EPC1: variants seen among roughly 807,000 people sequenced by gnomAD.
The protein encoded by EPC1 is enhancer of polycomb homolog 1.
EPC1 carries 12 observed loss-of-function variants against 98.4 expected under a neutral mutation model. That is an observed-to-expected ratio of 0.12 (90% CI 0.08 to 0.20). The LOEUF (loss-of-function observed/expected upper bound fraction) is 0.20. Ranked by LOEUF, EPC1 falls within the 10% of genes least tolerant of loss-of-function variation. The pLI is 1.00. For missense variants in EPC1, 729 were observed against 990.5 expected, an observed-to-expected ratio of 0.74 and a Z score of 3.54; for synonymous variants, 357 against 363.9, an observed-to-expected ratio of 0.98 and a Z score of 0.21.
chr10:32,274,075 C>T (rs1483282183), intron 10 of EPC1: 1 of 151,422 alleles, frequency 6.6e-6, no homozygotes, highest in African/African-American at 2.4e-5. Context: ...CATTTATTAC[C>T]CCCCCAAAAA....
intron 1 of EPC1, among the ~76,000 whole-genome samples, chr10:32,338,805 G>A (rs916935563): frequency 6.6e-6 from 1 of 152,098 alleles, no homozygotes; most frequent in East Asian, 1.9e-4. Flanking sequence ...AACATATGGT[G>A]GCATCCTCCT....
chr10:32,287,414 C>T, intron 6 of EPC1, 140 bp from the exon 7 acceptor site: 2 of 826,816 alleles, frequency 2.4e-6, no homozygotes, highest in Admixed American at 2.6e-5. Flanking sequence ...CTATGTTTGG[C>T]CATCTTATAG....
intron 13 of EPC1, 177 bp from the exon 14 acceptor site, chr10:32,269,312 A>C: frequency 3.8e-6 from 2 of 530,120 alleles, no homozygotes; most frequent in Non-Finnish European, 6.7e-6. Flanking sequence ...AATCAGGCTA[A>C]TGTTGACTAT....
chr10:32,274,182 C>T (rs564450202), intron 10 of EPC1: 13 of 149,352 alleles, frequency 8.7e-5, no homozygotes, highest in African/African-American at 2.7e-4. Context: ...ATTTTAAAGG[C>T]GTCTTTAAGA....
At chr10:32,315,120 G>A (rs1256755683) in intron 1 of EPC1, among the ~76,000 whole-genome samples, 3 of 152,152 alleles carry the variant, frequency 2.0e-5, no homozygotes, top group Non-Finnish European at 2.9e-5. Context: ...GTATTCTCAT[G>A]TACTATTTGG....
At chr10:32,297,816 G>A (rs888744195) in intron 2 of EPC1, among the ~76,000 whole-genome samples, 8 of 146,914 alleles carry the variant, frequency 5.4e-5, no homozygotes, top group African/African-American at 2.0e-4. Context: ...TTATTATTTT[G>A]AGACAGAGTC....
At chr10:32,287,060 C>T in intron 7 of EPC1, 38 bp downstream of exon 7, 1 of 1,613,794 alleles carries the variant, frequency 6.2e-7, no homozygotes, top group Non-Finnish European at 8.5e-7. Context: ...TGACTTCCTA[C>T]ATCCCTCCTC....
At chr10:32,350,980 T>C (rs1438324679), upstream of EPC1, among the ~76,000 whole-genome samples, 5 of 152,194 alleles carry the variant, frequency 3.3e-5, no homozygotes, top group Non-Finnish European at 5.9e-5. Flanking sequence ...CATTCATCCT[T>C]TATTTATTCA....
chr10:32,323,719 T>A (rs777561479), intron 1 of EPC1, among the ~76,000 whole-genome samples: 59 of 152,156 alleles, frequency 3.9e-4, no homozygotes, highest in Non-Finnish European at 5.0e-4. Context: ...CAAATGGACA[T>A]AAACCTCTTA....
intron 1 of EPC1, among the ~76,000 whole-genome samples, chr10:32,332,042 A>AT (rs1014845743): frequency 2.0e-5 from 3 of 152,208 alleles, no homozygotes; most frequent in African/African-American, 7.2e-5. Context: ...GACTACCTAG[A>AT]TTTTTCCAGA....
At chr10:32,345,192 T>C (rs1273036551) in intron 1 of EPC1, 7 of 984,854 alleles carry the variant, frequency 7.1e-6, no homozygotes, top group Non-Finnish European at 8.4e-6. Context: ...CTAAAGTTGA[T>C]ACAAGTAAAA....
intron 1 of EPC1, among the ~76,000 whole-genome samples, chr10:32,342,590 G>T (rs1049109728): frequency 1.3e-5 from 2 of 152,166 alleles, no homozygotes; most frequent in Non-Finnish European, 2.9e-5. Flanking sequence ...CTGGATTATG[G>T]TGGTTAGATC....
chr10:32,330,082 A>AATGC (rs1257089256), intron 1 of EPC1, among the ~76,000 whole-genome samples: 1 of 152,194 alleles, frequency 6.6e-6, no homozygotes, highest in Non-Finnish European at 1.5e-5. Context: ...CCTAGTATAT[A>AATGC]ATGCCACTTT....
At position 32,317,270 on chromosome 10, in the gene EPC1, A is replaced by G. The variant is rs117028006; in HGVS notation, c.154-11339T>C. 1.1e-3 allele frequency among the ~76,000 whole-genome samples: 174 copies of G among 152,370 alleles called. No individual in the cohort carries two copies. In the East Asian group the frequency reaches 0.022, roughly 19 times the overall value. On this transcript the variant is annotated intron_variant, in intron 1 of 13. Coordinates refer to ENST00000319778, the MANE Select transcript of EPC1 (RefSeq NM_001272004.3). ...CAATAAATACTTATTTAATAAATAA[A>G]TGAGCCAATGAATTATACCAGTTAT...
At chr10:32,356,202 T>A (rs1437415725) in intron 1 of EPC1, among the ~76,000 whole-genome samples, 3 of 152,186 alleles carry the variant, frequency 2.0e-5, no homozygotes, top group Non-Finnish European at 4.4e-5. Context: ...TACTGAAACT[T>A]GGGGTACAGA....
intron 1 of EPC1, among the ~76,000 whole-genome samples, chr10:32,333,293 T>C (rs1043576697): frequency 2.6e-5 from 4 of 152,118 alleles, no homozygotes; most frequent in African/African-American, 9.7e-5. Context: ...TGAGCCGAGA[T>C]CGTGCCACAG....
At chr10:32,300,362 T>A (rs1159069243) in intron 2 of EPC1, among the ~76,000 whole-genome samples, 1 of 151,804 alleles carries the variant, frequency 6.6e-6, no homozygotes, top group Non-Finnish European at 1.5e-5. Flanking sequence ...GTCATTTACA[T>A]TAGGCATATC....
intron 1 of EPC1, among the ~76,000 whole-genome samples, chr10:32,366,400 T>C (rs957082236): frequency 5.3e-5 from 8 of 152,184 alleles, no homozygotes; most frequent in African/African-American, 1.9e-4. Flanking sequence ...TAACTTGATA[T>C]CTTTATATGC....
At chr10:32,352,976 A>C (rs1839157150) in intron 1 of EPC1, among the ~76,000 whole-genome samples, 1 of 152,064 alleles carries the variant, frequency 6.6e-6, no homozygotes, top group African/African-American at 2.4e-5. Context: ...ACCAACACGG[A>C]GAAACCCTGT....
Sources: gnomAD v4.1 joint callset for allele counts (sites outside exome capture counted in the v4.1 genomes callset) on GRCh38, gnomAD v4.1.1 for gene constraint, MANE v1.5 for transcripts, NCBI Gene and HGNC (gene_info 2026-07-23, HGNC 2026-07-21) for gene names.